The following PPARGC1A variants were observed in gnomAD, a reference collection of about 807,000 sequenced individuals.
The protein encoded by PPARGC1A is peroxisome proliferator-activated receptor gamma coactivator 1-alpha.
Under a neutral mutation model 88.7 loss-of-function variants are expected in PPARGC1A, and 25 were observed. The ratio of observed to expected loss-of-function variants is 0.28; its 90% confidence interval spans 0.21 to 0.39. The LOEUF (loss-of-function observed/expected upper bound fraction) is 0.39, where lower values mean the gene tolerates loss of function less well. Ranked by LOEUF, PPARGC1A falls within the 10% of genes least tolerant of loss-of-function variation. The probability of loss-of-function intolerance (pLI) is 1.00; values close to 1 mark genes in which losing one functional copy is unlikely to be tolerated. For missense variants in PPARGC1A, 880 were observed against 968.7 expected, an observed-to-expected ratio of 0.91 and a Z score of 1.22; for synonymous variants, 363 against 355.6, an observed-to-expected ratio of 1.02 and a Z score of -0.24.
chr4:24,091,180 T>C, the PPARGC1A span, among the ~76,000 whole-genome samples: 1 of 152,258 alleles, frequency 6.6e-6, no homozygotes, highest in Non-Finnish European at 1.5e-5. Context: ...TCCCTTGATA[T>C]ACACCTGCAA....
At chr4:24,086,697 G>A in the PPARGC1A span, among the ~76,000 whole-genome samples, 5 of 152,170 alleles carry the variant, frequency 3.3e-5, no homozygotes, top group South Asian at 6.2e-4. Flanking sequence ...TTGCACATGG[G>A]GGGTATTCAA....
the PPARGC1A span, among the ~76,000 whole-genome samples, chr4:24,055,282 T>C: frequency 6.6e-6 from 1 of 152,186 alleles, no homozygotes; most frequent in East Asian, 1.9e-4. Flanking sequence ...TTTCACCTGT[T>C]CAGGGTACTG....
chr4:24,131,835 C>T, the PPARGC1A span, among the ~76,000 whole-genome samples: 1 of 152,090 alleles, frequency 6.6e-6, no homozygotes, highest in Non-Finnish European at 1.5e-5. Context: ...AACCATTTTT[C>T]GTCCAAACAT....
chr4:24,378,477 T>C, the PPARGC1A span, among the ~76,000 whole-genome samples: 1 of 151,044 alleles, frequency 6.6e-6, no homozygotes, highest in African/African-American at 2.5e-5. Context: ...TCAATAACCA[T>C]GGTTAAAAAA....
chr4:24,329,962 C>T, the PPARGC1A span, among the ~76,000 whole-genome samples: 1 of 152,174 alleles, frequency 6.6e-6, no homozygotes, highest in Non-Finnish European at 1.5e-5. Context: ...TTCAGATGGT[C>T]CTGCCTTCCC....
chr4:24,052,358 C>CGGTCAT, the PPARGC1A span, among the ~76,000 whole-genome samples: 2 of 152,084 alleles, frequency 1.3e-5, no homozygotes, highest in African/African-American at 4.8e-5. Context: ...CTGGAAAGAC[C>CGGTCAT]GGTCATGGTG....
chr4:23,943,088 G>A, the PPARGC1A span, among the ~76,000 whole-genome samples: 7 of 152,140 alleles, frequency 4.6e-5, no homozygotes, highest in African/African-American at 1.2e-4. Context: ...GACTATTTAC[G>A]TACTCAGTTC....
At chr4:24,053,013 G>T in the PPARGC1A span, among the ~76,000 whole-genome samples, 2 of 150,430 alleles carry the variant, frequency 1.3e-5, no homozygotes, top group African/African-American at 2.4e-5. Context: ...ACAGGCACCC[G>T]CCACCACACC....
At chr4:23,818,796 T>A (rs961926890) in intron 7 of PPARGC1A, among the ~76,000 whole-genome samples, 1 of 148,756 alleles carries the variant, frequency 6.7e-6, no homozygotes, top group Admixed American at 6.8e-5. Flanking sequence ...AAATGGTGAG[T>A]CCCTGGCTCT....
At chr4:24,087,058 C>A in the PPARGC1A span, among the ~76,000 whole-genome samples, 1 of 152,130 alleles carries the variant, frequency 6.6e-6, no homozygotes, top group African/African-American at 2.4e-5. Flanking sequence ...AGTAAAGATA[C>A]CTCAACAGAC....
the PPARGC1A span, among the ~76,000 whole-genome samples, chr4:24,235,808 C>T: frequency 6.6e-6 from 1 of 152,076 alleles, no homozygotes; most frequent in African/African-American, 2.4e-5. Flanking sequence ...TAGACTCATC[C>T]ACAGCTGATA....
chr4:24,118,142 G>T, the PPARGC1A span, among the ~76,000 whole-genome samples: 7 of 152,234 alleles, frequency 4.6e-5, no homozygotes, highest in Admixed American at 4.6e-4. Flanking sequence ...CCTGTCACCT[G>T]CAGGCCACAT....
the PPARGC1A span, among the ~76,000 whole-genome samples, chr4:24,467,014 G>GAAAA: frequency 7.3e-6 from 1 of 137,244 alleles, no homozygotes; most frequent in Non-Finnish European, 1.5e-5. Context: ...AGGGGAGAAA[G>GAAAA]AAAGAAAGAA....
At chr4:24,398,985 T>G in the PPARGC1A span, among the ~76,000 whole-genome samples, 76 of 152,304 alleles carry the variant, frequency 5.0e-4, no homozygotes, top group African/African-American at 1.7e-3. Flanking sequence ...GAGGATTTAT[T>G]TTTACTAATA....
At chr4:24,195,366 TC>T in the PPARGC1A span, among the ~76,000 whole-genome samples, 327 of 152,320 alleles carry the variant, frequency 2.1e-3, 2 homozygotes, top group East Asian at 0.033. Flanking sequence ...TTATGAAGTA[TC>T]TCCACAATAG....
the PPARGC1A span, among the ~76,000 whole-genome samples, chr4:24,432,800 A>G: frequency 1.3e-5 from 2 of 152,160 alleles, no homozygotes; most frequent in Non-Finnish European, 2.9e-5. Flanking sequence ...ATTGATTTGA[A>G]TAACTGTTAC....
chr4:24,430,132 C>T, the PPARGC1A span, among the ~76,000 whole-genome samples: 1 of 152,054 alleles, frequency 6.6e-6, no homozygotes, highest in Admixed American at 6.5e-5. Flanking sequence ...CTGATGCTGC[C>T]CAAAGACACA....
the PPARGC1A span, among the ~76,000 whole-genome samples, chr4:24,402,505 C>G: frequency 6.6e-6 from 1 of 152,192 alleles, no homozygotes; most frequent in Non-Finnish European, 1.5e-5. Context: ...ACTATGTCCT[C>G]TCTGCAGATG....
the PPARGC1A span, among the ~76,000 whole-genome samples, chr4:23,949,407 G>A: frequency 6.6e-6 from 1 of 152,134 alleles, no homozygotes; most frequent in Non-Finnish European, 1.5e-5. Context: ...GGTAGCGGCT[G>A]GCTATAGCTG....
Sources: gnomAD v4.1 joint callset for allele counts (sites outside exome capture counted in the v4.1 genomes callset) on GRCh38, gnomAD v4.1.1 for gene constraint, MANE v1.5 for transcripts, NCBI Gene and HGNC (gene_info 2026-07-23, HGNC 2026-07-21) for gene names.